Variants in SMYD3 observed in about 807,000 individuals in gnomAD.
SMYD3 encodes the protein histone-lysine N-methyltransferase SMYD3.
A neutral mutation model predicts 57.7 loss-of-function variants in SMYD3; 36 were observed. That is an observed-to-expected ratio of 0.62 (90% CI 0.48 to 0.82). The LOEUF (loss-of-function observed/expected upper bound fraction) is 0.82. Ranked by LOEUF, SMYD3 falls within the 40% of genes least tolerant of loss-of-function variation. SMYD3 has a pLI of 0.00. For missense variants in SMYD3, 515 were observed against 538.8 expected (o/e 0.96, Z 0.44); for synonymous variants, 211 against 195.0 (o/e 1.08, Z -0.68).
rs144854363 is a variant in SMYD3 at position 245,872,609 on chromosome 1, GAGA to G, written c.814-8726_814-8724del. ...TCCAAACAAAAATGCTCGTGGTGAG[GAGA>G]AGAAGTCATCAAACAGCTGAAGCCA... On this transcript the variant is annotated intron_variant, in intron 8 of 11. Coordinates refer to ENST00000490107, the MANE Select transcript of SMYD3 (RefSeq NM_001167740.2). Among the ~76,000 whole-genome samples, 1,047 of 152,350 alleles carry G rather than the reference GAGA, an allele frequency of 6.9e-3. 4 individuals carry two copies. Among genetic ancestry groups the G allele is most frequent in the East Asian group, 0.014 (75 of 5,180 alleles).
chr1:246,087,748 A>G (rs2060743819), intron 5 of SMYD3, among the ~76,000 whole-genome samples: 1 of 152,180 alleles, frequency 6.6e-6, no homozygotes, highest in Admixed American at 6.5e-5. Context: ...CAGAATTCCA[A>G]CACTGCTGTC....
At chr1:246,227,521 A>C (rs1024212255) in intron 5 of SMYD3, among the ~76,000 whole-genome samples, 2 of 152,166 alleles carry the variant, frequency 1.3e-5, no homozygotes, top group Non-Finnish European at 2.9e-5. Flanking sequence ...AGGCTGAGGC[A>C]GGAGAATCAC....
At chr1:246,010,132 A>T (rs75686597) in intron 5 of SMYD3, among the ~76,000 whole-genome samples, 1 of 149,742 alleles carries the variant, frequency 6.7e-6, no homozygotes, top group Non-Finnish European at 1.5e-5. Flanking sequence ...AACAACAAAA[A>T]CCCCAATATT....
At chr1:246,292,955 A>T (rs73142858) in intron 5 of SMYD3, among the ~76,000 whole-genome samples, 6,075 of 152,238 alleles carry the variant, frequency 0.04, 408 homozygotes, top group African/African-American at 0.14. Context: ...GTTGGGAAAA[A>T]TTGCTGATGA....
chr1:245,843,717 A>G (rs2050522591), intron 10 of SMYD3, among the ~76,000 whole-genome samples: 1 of 152,192 alleles, frequency 6.6e-6, no homozygotes, highest in South Asian at 2.1e-4. Context: ...GGAGGAAGGA[A>G]AGGGTATGTG....
Position 246,083,217 on chromosome 1 carries a change from G to A in SMYD3, c.532-153280C>T, listed in dbSNP as rs530396738. ...TCCCTGGGCAATGGAATGTCTCCGTGTAAAACCCGATTGTATATTCCATCT... is the reference window on the plus strand; with the variant it reads ...TCCCTGGGCAATGGAATGTCTCCGTATAAAACCCGATTGTATATTCCATCT... On this transcript the variant is annotated intron_variant, in intron 5 of 11. Coordinates refer to ENST00000490107, the MANE Select transcript of SMYD3 (RefSeq NM_001167740.2). Among the ~76,000 whole-genome samples the A allele has an allele frequency of 4.5e-3, 683 of 152,244 alleles. 11 individuals are homozygous for A. Among genetic ancestry groups the A allele is most frequent in the African/African-American group, 0.015 (632 of 41,526 alleles).
intron 5 of SMYD3, among the ~76,000 whole-genome samples, chr1:246,020,262 C>A (rs549807805): frequency 7.2e-5 from 11 of 152,300 alleles, no homozygotes; most frequent in African/African-American, 2.2e-4. Flanking sequence ...AGCACAATAC[C>A]TTTTAAAAAG....
chr1:245,986,814 G>A (rs1393610816), intron 5 of SMYD3, among the ~76,000 whole-genome samples: 1 of 152,192 alleles, frequency 6.6e-6, no homozygotes, highest in African/African-American at 2.4e-5. Context: ...CCTTCATCAA[G>A]CTTCAAGTAG....
chr1:245,751,811 C>G (rs537873872), intron 11 of SMYD3, among the ~76,000 whole-genome samples: 1 of 152,162 alleles, frequency 6.6e-6, no homozygotes, highest in Non-Finnish European at 1.5e-5. Context: ...CCTATTCATG[C>G]GAGCAAGTCT....
intron 5 of SMYD3, among the ~76,000 whole-genome samples, chr1:246,179,480 A>C (rs1366929885): frequency 1.3e-5 from 2 of 152,136 alleles, no homozygotes; most frequent in Non-Finnish European, 2.9e-5. Context: ...CAATTTTGCC[A>C]CTCTGAAATA....
At chr1:245,915,212 A>G (rs1442375700) in intron 8 of SMYD3, among the ~76,000 whole-genome samples, 2 of 152,154 alleles carry the variant, frequency 1.3e-5, no homozygotes, top group Admixed American at 1.3e-4. Flanking sequence ...ACGTAATTCA[A>G]CCCACTTACT....
Position 246,132,086 on chromosome 1 carries a change from T to C in SMYD3, c.531+195115A>G, listed in dbSNP as rs549700823. Among the ~76,000 whole-genome samples the C allele has an allele frequency of 2.8e-4, 42 of 152,292 alleles. No homozygotes were observed. In the East Asian group the frequency reaches 3.3e-3, roughly 12 times the overall value. On this transcript the variant is annotated intron_variant, in intron 5 of 11. Transcript: ENST00000490107. ...TTAAGTCCTGGAATTGGGACAATTC[T>C]ACTAAACATGCCCATCGGCGACTTG...
At chr1:245,839,455 C>T (rs1393029432) in intron 10 of SMYD3, among the ~76,000 whole-genome samples, 1 of 151,708 alleles carries the variant, frequency 6.6e-6, no homozygotes, top group African/African-American at 2.4e-5. Flanking sequence ...AGGCATGAGC[C>T]ACTGTGCCCA....
intron 1 of SMYD3, among the ~76,000 whole-genome samples, chr1:246,503,673 T>C (rs1172227583): frequency 6.6e-6 from 1 of 152,112 alleles, no homozygotes; most frequent in Non-Finnish European, 1.5e-5. Flanking sequence ...ACAATATAAG[T>C]GATTTCAGGC....
At chr1:245,878,383 G>A (rs1417709806) in intron 8 of SMYD3, among the ~76,000 whole-genome samples, 1 of 152,196 alleles carries the variant, frequency 6.6e-6, no homozygotes, top group African/African-American at 2.4e-5. Flanking sequence ...CGAGGTCCAC[G>A]AGGAGGCAGA....
intron 5 of SMYD3, among the ~76,000 whole-genome samples, chr1:246,090,342 T>C (rs1042366652): frequency 1.3e-5 from 2 of 152,142 alleles, no homozygotes; most frequent in African/African-American, 4.8e-5. Flanking sequence ...TTCTCTCTTT[T>C]AGCCCTTCAG....
chr1:246,172,103 C>T (rs544951976), intron 5 of SMYD3, among the ~76,000 whole-genome samples: 78 of 152,310 alleles, frequency 5.1e-4, no homozygotes, highest in African/African-American at 1.6e-3. Context: ...AGTTGCTCTC[C>T]GTGAATGAGC....
intron 5 of SMYD3, among the ~76,000 whole-genome samples, chr1:246,267,961 C>A (rs566507159): frequency 1.5e-4 from 23 of 152,306 alleles, no homozygotes; most frequent in Middle Eastern, 3.4e-3. Flanking sequence ...AGAGGACAGG[C>A]CTCACACATT....
chr1:246,491,968 G>A (rs946437333), intron 1 of SMYD3, among the ~76,000 whole-genome samples: 5 of 152,148 alleles, frequency 3.3e-5, no homozygotes, highest in African/African-American at 9.7e-5. Context: ...TGGACGGCAG[G>A]AACTAAAGCT....
Sources: allele counts gnomAD v4.1 joint callset (sites outside exome capture counted in the v4.1 genomes callset), GRCh38; gene constraint gnomAD v4.1.1; transcripts MANE v1.5; gene names NCBI Gene and HGNC (gene_info 2026-07-23, HGNC 2026-07-21).